The following KHDRBS3 variants were observed in gnomAD, a reference collection of about 807,000 sequenced individuals.
KHDRBS3 encodes the protein KH domain-containing, RNA-binding, signal transduction-associated protein 3.
Under a neutral mutation model 45.6 loss-of-function variants are expected in KHDRBS3, and 23 were observed. The observed-to-expected ratio is 0.50, with a 90% CI of 0.36 to 0.72. The LOEUF is 0.72. KHDRBS3 is among the 30% of genes least tolerant of loss of function. KHDRBS3 has a pLI of 0.00. For synonymous variants in KHDRBS3, 162 were observed against 156.5 expected (o/e 1.04, Z -0.26); for missense variants, 352 against 424.8 (o/e 0.83, Z 1.51).
chr8:135,463,637 A>G (rs1232015061), intron 1 of KHDRBS3, among the ~76,000 whole-genome samples: 2 of 152,204 alleles, frequency 1.3e-5, no homozygotes, highest in African/African-American at 4.8e-5. Context: ...TGACAGATTA[A>G]AAACAGAATT....
chr8:135,467,262 A>G (rs1821745320), intron 1 of KHDRBS3, among the ~76,000 whole-genome samples: 1 of 152,206 alleles, frequency 6.6e-6, no homozygotes, highest in Non-Finnish European at 1.5e-5. Flanking sequence ...TGTTCCTCAT[A>G]TATTATCTTT....
chr8:135,587,102 A>T (rs1828512769), intron 6 of KHDRBS3, among the ~76,000 whole-genome samples: 1 of 152,178 alleles, frequency 6.6e-6, no homozygotes, highest in Non-Finnish European at 1.5e-5. Flanking sequence ...CAAAGTGAGA[A>T]AACTTGACAA....
At chr8:135,624,045 G>A (rs1299079694) in intron 7 of KHDRBS3, among the ~76,000 whole-genome samples, 1 of 152,152 alleles carries the variant, frequency 6.6e-6, no homozygotes, top group African/African-American at 2.4e-5. Flanking sequence ...TTAACATTTA[G>A]CCACACACTA....
intron 6 of KHDRBS3, among the ~76,000 whole-genome samples, chr8:135,594,764 A>G (rs1196413304): frequency 2.6e-5 from 4 of 152,192 alleles, no homozygotes; most frequent in East Asian, 1.9e-4. Flanking sequence ...ATGTGGCACA[A>G]TAGGAACTCT....
At chr8:135,519,406 C>T (rs1359100832) in intron 1 of KHDRBS3, among the ~76,000 whole-genome samples, 4 of 152,222 alleles carry the variant, frequency 2.6e-5, no homozygotes, top group East Asian at 1.9e-4. Flanking sequence ...TGTAATGCTC[C>T]GGCTACCCAG....
intron 1 of KHDRBS3, 74 bp downstream of exon 1, chr8:135,458,028 C>T (rs1339991864): frequency 1.7e-5 from 25 of 1,475,640 alleles, no homozygotes; most frequent in Non-Finnish European, 2.1e-5. Flanking sequence ...CCAGGGGGCC[C>T]CTCCGTGCCC....
chr8:135,644,949 T>C (rs1322324922), intron 7 of KHDRBS3, 110 bp from the exon 8 acceptor site: 14 of 1,122,882 alleles, frequency 1.2e-5, no homozygotes, highest in Non-Finnish European at 1.8e-5. Flanking sequence ...CTTTGAATTT[T>C]CAGTCTTGCC....
chr8:135,600,996 G>T (rs1829187063), intron 6 of KHDRBS3, among the ~76,000 whole-genome samples: 1 of 152,146 alleles, frequency 6.6e-6, no homozygotes, highest in African/African-American at 2.4e-5. Flanking sequence ...GCTTTATTTA[G>T]CTTCTTCCAA....
At position 135,569,297 on chromosome 8, in the gene KHDRBS3, A is replaced by G. The variant is rs144920490; in HGVS notation, c.611+11710A>G. Among the ~76,000 whole-genome samples, 456 of 152,328 alleles carry G rather than the reference A, an allele frequency of 3.0e-3. 4 individuals are homozygous for G. Among genetic ancestry groups the G allele is most frequent in the African/African-American group, 0.01 (427 of 41,566 alleles). ...ACTGAAATGAAGATTTAGAATCATT[A>G]ACTCTAGGCCTTGAGATAGAGAAAT... On this transcript the variant is annotated intron_variant, in intron 5 of 8. Transcript: ENST00000355849.
intron 1 of KHDRBS3, among the ~76,000 whole-genome samples, chr8:135,486,009 G>C (rs1466156256): frequency 1.3e-5 from 2 of 151,996 alleles, no homozygotes; most frequent in African/African-American, 4.8e-5. Flanking sequence ...GTCTGGACCA[G>C]AGGGCACAGA....
At chr8:135,654,942 G>C (rs757705164) in intron 4 of KHDRBS3, among the ~76,000 whole-genome samples, 1 of 152,116 alleles carries the variant, frequency 6.6e-6, no homozygotes, top group Non-Finnish European at 1.5e-5. Context: ...TCTTCTCTCC[G>C]CATGAGAATC....
intron 1 of KHDRBS3, among the ~76,000 whole-genome samples, chr8:135,503,532 A>C (rs992922832): frequency 6.6e-6 from 1 of 151,346 alleles, no homozygotes; most frequent in Non-Finnish European, 1.5e-5. Context: ...TCACACTGAC[A>C]CAGGAGTAGC....
chr8:135,503,664 G>A (rs1823849256), intron 1 of KHDRBS3, among the ~76,000 whole-genome samples: 1 of 151,738 alleles, frequency 6.6e-6, no homozygotes, highest in Admixed American at 6.6e-5. Context: ...GCTGAGTCTC[G>A]GAGAGGTTAA....
intron 1 of KHDRBS3, among the ~76,000 whole-genome samples, chr8:135,502,253 T>G: frequency 6.6e-6 from 1 of 152,160 alleles, no homozygotes; most frequent in East Asian, 1.9e-4. Flanking sequence ...TTAAAAGTCC[T>G]TCCCAATCTG....
chr8:135,530,487 G>C lies in KHDRBS3; in HGVS notation c.207+9132G>C, dbSNP rs192962659. On this transcript the variant is annotated intron_variant, in intron 2 of 8. Transcript: ENST00000355849. Reference sequence around the variant, plus strand: ...AAAATGGACACATAATACAAAGGCAGACTGATAATCATGGTTACAGAGAAA... The same window carrying C: ...AAAATGGACACATAATACAAAGGCACACTGATAATCATGGTTACAGAGAAA... 2.6e-5 allele frequency among the ~76,000 whole-genome samples: 4 copies of C among 152,272 alleles called. No individual in the cohort carries two copies. The East Asian group carries it at 7.7e-4, about 29-fold the overall frequency.
In KHDRBS3 at chr8:135,494,428, G is replaced by A. The variant is rs140256971; in HGVS notation, c.89-26809G>A. The stretch of plus-strand genomic sequence containing the variant: ...TGAGTAGCTGGGGCTACAGGCGCCC[G>A]CCACCACGCCCAGCTACTTTTTTGC... On this transcript the variant is annotated intron_variant, in intron 1 of 8. Coordinates refer to ENST00000355849, the MANE Select transcript of KHDRBS3 (RefSeq NM_006558.3). Among the ~76,000 whole-genome samples the A allele has an allele frequency of 7.0e-3, 1,058 of 151,714 alleles. 11 individuals carry two copies. The highest frequency in any genetic ancestry group is 0.024 in the African/African-American group (1,000 of 41,380).
At chr8:135,644,495 T>A (rs1831199759) in intron 7 of KHDRBS3, among the ~76,000 whole-genome samples, 1 of 152,234 alleles carries the variant, frequency 6.6e-6, no homozygotes, top group African/African-American at 2.4e-5. Flanking sequence ...AAACATTTCA[T>A]CTGGGCATTT....
intron 6 of KHDRBS3, among the ~76,000 whole-genome samples, chr8:135,603,228 A>G (rs771387070): frequency 2.0e-5 from 3 of 152,134 alleles, no homozygotes; most frequent in East Asian, 1.9e-4. Flanking sequence ...ATGTCATCCT[A>G]CTTACTAGAC....
intron 1 of KHDRBS3, among the ~76,000 whole-genome samples, chr8:135,467,336 G>A (rs981129512): frequency 6.6e-6 from 1 of 152,070 alleles, no homozygotes; most frequent in African/African-American, 2.4e-5. Flanking sequence ...CCCTTTCATA[G>A]CTGTCATACA....
Sources: allele counts gnomAD v4.1 joint callset (sites outside exome capture counted in the v4.1 genomes callset), GRCh38; gene constraint gnomAD v4.1.1; transcripts MANE v1.5; gene names NCBI Gene and HGNC (gene_info 2026-07-23, HGNC 2026-07-21).